Variants in WDR33 observed in about 807,000 individuals in gnomAD.
The protein encoded by WDR33 is pre-mRNA 3' end processing protein WDR33.
WDR33 carries 47 observed loss-of-function variants against 164.9 expected under a neutral mutation model. The observed-to-expected ratio is 0.29, with a 90% CI of 0.23 to 0.36. WDR33 has a LOEUF of 0.36. Among genes scored for constraint, WDR33 ranks in the 10% least tolerant of loss-of-function variants. The pLI is 1.00. For synonymous variants in WDR33, 505 were observed against 589.0 expected (o/e 0.86, Z 2.06); for missense variants, 1,137 against 1,754.1 (o/e 0.65, Z 6.28).
chr2:127,728,262 T>C lies in WDR33; in HGVS notation c.725-1485A>G, dbSNP rs146604684. Reference sequence around the variant, plus strand: ...AGGAATGTGATGCACCTATTATAAATGACCCTATAGATGATTTAATGGCAT... The same window carrying C: ...AGGAATGTGATGCACCTATTATAAACGACCCTATAGATGATTTAATGGCAT... On this transcript the variant is annotated intron_variant, in intron 7 of 21. Coordinates refer to ENST00000322313, the MANE Select transcript of WDR33 (RefSeq NM_018383.5). Among the ~76,000 whole-genome samples, 4 of 152,318 alleles carry C rather than the reference T, an allele frequency of 2.6e-5. No homozygotes were observed. The East Asian group carries it at 7.7e-4, about 29-fold the overall frequency.
At chr2:127,737,863 G>A (rs894612498) in intron 7 of WDR33, 13 of 1,405,144 alleles carry the variant, frequency 9.3e-6, no homozygotes, top group African/African-American at 1.5e-5. Flanking sequence ...CAAATAATCC[G>A]TGTCAAAGTA....
In WDR33 at chr2:127,720,400, C is replaced by T. The variant is rs1249588846; in HGVS notation, c.1672-47G>A. 2.0e-6 allele frequency: 3 copies of T among 1,488,456 alleles called. No homozygotes were observed. Among genetic ancestry groups the T allele is most frequent in the Admixed American group, 2.4e-5 (1 of 41,784 alleles). 92.2% of individuals were successfully genotyped at this position (1,488,456 alleles called of 1,614,324 possible). On this transcript the variant is annotated intron_variant, in intron 15 of 21. Transcript: ENST00000322313. The surrounding 1 kb of genome is among the most constrained non-coding windows in gnomAD (Gnocchi z 5.9). ...AGCATGTTGAATAAACAGGCCAGAG[C>T]CCTTGAAGATGACAATATTGCTATC... is the stretch of plus-strand genomic sequence containing the variant.
chr2:127,776,214 G>A (rs1329366638), intron 1 of WDR33, among the ~76,000 whole-genome samples: 1 of 152,186 alleles, frequency 6.6e-6, no homozygotes, highest in Non-Finnish European at 1.5e-5. Context: ...TGTGAGGACA[G>A]AGAGAGAAGA....
At chr2:127,794,764 G>A (rs1227283518) in intron 1 of WDR33, among the ~76,000 whole-genome samples, 6 of 147,868 alleles carry the variant, frequency 4.1e-5, no homozygotes, top group African/African-American at 1.5e-4. Context: ...AACCCAGGAG[G>A]CAGAGGTTGC....
At chr2:127,778,447 A>G (rs1315830585) in intron 1 of WDR33, among the ~76,000 whole-genome samples, 1 of 151,494 alleles carries the variant, frequency 6.6e-6, no homozygotes, top group African/African-American at 2.4e-5. Context: ...AAGAAAAAAA[A>G]AAAAAAGAAA....
At chr2:127,752,596 CAAAAAAAAAA>C (rs34369142) in intron 7 of WDR33, among the ~76,000 whole-genome samples, 1 of 76,596 alleles carries the variant, frequency 1.3e-5, no homozygotes, top group Non-Finnish European at 2.6e-5. Context: ...GACTCCGTCT[CAAAAAAAAAA>C]AAAAAAAAAA....
chr2:127,767,961 T>A (rs1687873901), intron 4 of WDR33, among the ~76,000 whole-genome samples: 1 of 152,152 alleles, frequency 6.6e-6, no homozygotes, highest in Admixed American at 6.5e-5. Context: ...CAGAGAGAAT[T>A]CTACAGAAAT....
Position 127,701,387 on chromosome 2 carries a change from A to AGGCACCGCGGCACTTCCGCG in WDR33, c.*4916_*4935dup, listed in dbSNP as rs1685872868. The AGGCACCGCGGCACTTCCGCG allele has an allele frequency of 1.3e-6, 1 of 792,012 alleles. No homozygotes were observed. The allele number at this position is 792,012 out of a possible 1,614,324, so 49.1% of individuals were successfully genotyped here. ...GGGACACCACAAAAGTCCGCAGAGC[A>AGGCACCGCGGCACTTCCGCG]GGCACCGCGGCACTTCCGCGAGCGC... On this transcript the variant is annotated 3_prime_UTR_variant, in exon 22 of 22. Transcript: ENST00000322313.
chr2:127,770,738 A>G lies in WDR33; in HGVS notation c.204+40T>C, dbSNP rs1303691303. The G allele has an allele frequency of 4.6e-6, 5 of 1,096,366 alleles. No individual in the cohort carries two copies. The East Asian group carries it at 8.2e-5, about 18-fold the overall frequency. 67.9% of individuals were successfully genotyped at this position (1,096,366 alleles called of 1,614,324 possible). Reference sequence around the variant, plus strand: ...AAATAAATAAATAAATAAATAAATAACCAAAGTTTGGTCATCTGAAGCACA... The same window carrying G: ...AAATAAATAAATAAATAAATAAATAGCCAAAGTTTGGTCATCTGAAGCACA... On this transcript the variant is annotated intron_variant, in intron 2 of 21. Transcript: ENST00000322313. This position sits in a 1 kb window ranked among gnomAD's most constrained non-coding sequence, Gnocchi z 4.9.
At chr2:127,743,134 TTG>T (rs1687067447) in intron 7 of WDR33, among the ~76,000 whole-genome samples, 1 of 152,094 alleles carries the variant, frequency 6.6e-6, no homozygotes, top group Admixed American at 6.5e-5. Flanking sequence ...AGAAAAATGT[TTG>T]AGGATTTTCA....
Position 127,708,547 on chromosome 2 carries a change from G to T in WDR33, c.3781+130C>A. The T allele has an allele frequency of 9.8e-7, 1 of 1,020,974 alleles. No individual in the cohort carries two copies. Among genetic ancestry groups the T allele is most frequent in the Non-Finnish European group, 1.4e-6 (1 of 707,250 alleles). 63.2% of individuals were successfully genotyped at this position (1,020,974 alleles called of 1,614,324 possible). On this transcript the variant is annotated intron_variant, in intron 21 of 21. Transcript: ENST00000322313. The surrounding 1 kb of genome is among the most constrained non-coding windows in gnomAD (Gnocchi z 6.7). ...AGTCCACCAGATGACAGCTCGTGTG[G>T]CACTGGCACCACATTTAGGAGCATG...
chr2:127,750,755 TATAC>T (rs1687332691), intron 7 of WDR33, among the ~76,000 whole-genome samples: 3 of 124,282 alleles, frequency 2.4e-5, no homozygotes, highest in Non-Finnish European at 3.4e-5. Context: ...CATATATATG[TATAC>T]ATACATATAT....
rs1276492329 is a variant in WDR33, at chr2:127,702,362, C to T, written c.*3961G>A. On this transcript the variant is annotated 3_prime_UTR_variant, in exon 22 of 22. Transcript: ENST00000322313. ...GGCGACAGCAGCGTTGGGAGCTCCT[C>T]GATGTCAGCTTTTTGTGCTGGACTT... 7 of 447,358 alleles carry T rather than the reference C, an allele frequency of 1.6e-5. No homozygotes were observed. Among genetic ancestry groups the T allele is most frequent in the African/African-American group, 4.2e-5 (2 of 47,730 alleles). The allele number at this position is 447,358 out of a possible 1,614,324, so 27.7% of individuals were successfully genotyped here.
Position 127,709,786 on chromosome 2 carries a change from G to C in WDR33, c.3379C>G (p.Pro1127Ala), listed in dbSNP as rs1284919891. 11 of 1,614,014 alleles carry C rather than the reference G, an allele frequency of 6.8e-6. No individual in the cohort carries two copies. Among genetic ancestry groups the C allele is most frequent in the Non-Finnish European group, 8.5e-6 (10 of 1,180,042 alleles). The change falls in exon 19 of 22, where the codon CCT becomes GCT. Residue 1127 changes from proline to alanine, a missense_variant. This residue lies in a region of WDR33 where 867 missense variants were observed against 1,073.0 expected (regional missense o/e 0.81). Transcript: ENST00000322313. The surrounding 1 kb of genome is among the most constrained non-coding windows in gnomAD (Gnocchi z 5.0). ...TTCTCCTCTGGACCAAAGTCTTCAG[G>C]ACCAGGAAAACCATCCCTTCCTCTG... ...PPRGRDGFPGPEDFGPEENFD... is the reference protein window; with the variant it reads ...PPRGRDGFPGAEDFGPEENFD...
chr2:127,750,543 A>G (rs1687294373), intron 7 of WDR33, among the ~76,000 whole-genome samples: 1 of 148,352 alleles, frequency 6.7e-6, no homozygotes, highest in African/African-American at 2.5e-5. Context: ...GCTACCCGAG[A>G]GGCTGAGGCA....
intron 1 of WDR33, among the ~76,000 whole-genome samples, chr2:127,799,655 C>T (rs181447352): frequency 6.6e-6 from 1 of 152,248 alleles, no homozygotes; most frequent in East Asian, 1.9e-4. Flanking sequence ...ATTAGCCGGA[C>T]ATGGTGGCAG....
In WDR33 at chr2:127,723,637, T is replaced by C. The variant is rs1686492740; in HGVS notation, c.1197-290A>G. On this transcript the variant is annotated intron_variant, in intron 11 of 21. Transcript: ENST00000322313. The surrounding 1 kb of genome is among the most constrained non-coding windows in gnomAD (Gnocchi z 5.9). ...TTAGCTGGGTGTGGTGGCACACACC[T>C]GTAGTCTCAGCTACTCACGAGGATA... is the stretch of plus-strand genomic sequence containing the variant. Among the ~76,000 whole-genome samples the C allele has an allele frequency of 1.3e-5, 2 of 151,758 alleles. No homozygotes were observed. Among genetic ancestry groups the C allele is most frequent in the South Asian group, 4.2e-4 (2 of 4,808 alleles).
rs1686525115 is a variant in WDR33 at position 127,724,766 on chromosome 2, G to A, written c.1085+121C>T. 1 of 1,093,260 alleles carries A rather than the reference G, an allele frequency of 9.1e-7. No homozygotes were observed. The highest frequency in any genetic ancestry group is 1.4e-5 in the South Asian group (1 of 71,550). The allele number at this position is 1,093,260 out of a possible 1,614,324, so 67.7% of individuals were successfully genotyped here. A position where few individuals can be genotyped will look rare whatever the true frequency, so the allele number is the denominator to read the frequency against. On this transcript the variant is annotated intron_variant, in intron 10 of 21. Transcript: ENST00000322313. This position sits in a 1 kb window ranked among gnomAD's most constrained non-coding sequence, Gnocchi z 4.8. Reference sequence around the variant, plus strand: ...AGCTGGATTTACAGAACTGAAAACTGCAAGCAGTCTCTGATATAGGATATA... The same window carrying A: ...AGCTGGATTTACAGAACTGAAAACTACAAGCAGTCTCTGATATAGGATATA...
chr2:127,774,207 A>G (rs1688107575), intron 1 of WDR33, among the ~76,000 whole-genome samples: 2 of 151,706 alleles, frequency 1.3e-5, no homozygotes, highest in East Asian at 1.9e-4. Context: ...ATCTGCCACC[A>G]TGCCTGGCTA....
Sources: allele counts gnomAD v4.1 joint callset (sites outside exome capture counted in the v4.1 genomes callset), GRCh38; gene constraint gnomAD v4.1.1; regional missense constraint gnomAD v4.1.1; non-coding constraint Gnocchi (gnomAD v3.1); transcripts MANE v1.5; gene names NCBI Gene and HGNC (gene_info 2026-07-23, HGNC 2026-07-21).